INO80D: variants seen among roughly 807,000 people sequenced by gnomAD.
INO80D encodes the protein INO80 complex subunit D.
In INO80D, 21 loss-of-function variants were observed where a neutral mutation model predicts 87.6. The observed-to-expected ratio is 0.24, with a 90% CI of 0.17 to 0.35. The LOEUF is 0.35. Among genes scored for constraint, INO80D ranks in the 10% least tolerant of loss-of-function variants. The pLI, the probability that INO80D is intolerant of heterozygous loss-of-function variation, is 1.00. For missense variants in INO80D, 982 were observed against 1,280.7 expected, an observed-to-expected ratio of 0.77 and a Z score of 3.56; for synonymous variants, 440 against 491.0, an observed-to-expected ratio of 0.90 and a Z score of 1.37.
chr2:206,072,123 G>A (rs917814040), intron 1 of INO80D, among the ~76,000 whole-genome samples: 2 of 152,022 alleles, frequency 1.3e-5, no homozygotes, highest in Non-Finnish European at 2.9e-5. Flanking sequence ...TTTTGTCCTC[G>A]GGGTGTGTCA....
At position 206,085,058 on chromosome 2, in the gene INO80D, G is replaced by A. The variant is rs1666076814; in HGVS notation, c.-124+843C>T. Among the ~76,000 whole-genome samples, 1 of 152,064 alleles carries A rather than the reference G, an allele frequency of 6.6e-6. No individual in the cohort carries two copies. The highest frequency in any genetic ancestry group is 1.5e-5 in the Non-Finnish European group (1 of 67,998). ...CAGGGGCGGAGTACCTTCTTCAATG[G>A]ACAGGAACTGGCAAAGAGTTTCAAA... On this transcript the variant is annotated intron_variant, in intron 1 of 10. Transcript: ENST00000403263. This position sits in a 1 kb window ranked among gnomAD's most constrained non-coding sequence, Gnocchi z 4.5.
intron 8 of INO80D, among the ~76,000 whole-genome samples, chr2:206,010,083 A>ACACACACACACGCACG (rs142314785): frequency 3.3e-5 from 5 of 151,280 alleles, no homozygotes; most frequent in South Asian, 4.2e-4. Flanking sequence ...ACACACACAC[A>ACACACACACACGCACG]CACGCACACA....
intron 4 of INO80D, among the ~76,000 whole-genome samples, chr2:206,047,687 G>A (rs1027759421): frequency 6.6e-6 from 1 of 151,570 alleles, no homozygotes; most frequent in Non-Finnish European, 1.5e-5. Flanking sequence ...AAAAAGTGCA[G>A]ATAGAGTCAC....
intron 1 of INO80D, among the ~76,000 whole-genome samples, chr2:206,084,273 A>ACCCCC (rs35924014): frequency 1.4e-5 from 2 of 144,508 alleles, no homozygotes; most frequent in East Asian, 2.0e-4. Flanking sequence ...ACACACACAC[A>ACCCCC]CCCCAAAACC....
chr2:206,017,584 G>T (rs1482908307), intron 8 of INO80D, 96 bp downstream of exon 8: 27 of 997,592 alleles, frequency 2.7e-5, no homozygotes, highest in Non-Finnish European at 3.8e-5. Flanking sequence ...ACTTGTTTCA[G>T]TGATTTATAT....
At chr2:206,016,168 A>G (rs796715728) in intron 8 of INO80D, among the ~76,000 whole-genome samples, 3 of 152,258 alleles carry the variant, frequency 2.0e-5, no homozygotes, top group African/African-American at 7.2e-5. Context: ...GAGAGGGGCT[A>G]TACCCTGCAA....
In INO80D at chr2:206,052,154, T is replaced by C. The variant is rs114463440; in HGVS notation, c.964+4044A>G. Among the ~76,000 whole-genome samples the C allele has an allele frequency of 4.2e-3, 635 of 152,324 alleles. 1 individual carries two copies. The highest frequency in any genetic ancestry group is 7.2e-3 in the Non-Finnish European group (491 of 68,022). The stretch of plus-strand genomic sequence containing the variant: ...AAGAGGACTTACACAACTGTTTTTA[T>C]TGCAACCTGACCAAACTGCTTTTTC... On this transcript the variant is annotated intron_variant, in intron 4 of 10. Transcript: ENST00000403263.
Position 205,997,595 on chromosome 2 carries a change from C to T in INO80D, c.*6773G>A, listed in dbSNP as rs540430106. On this transcript the variant is annotated 3_prime_UTR_variant, in exon 11 of 11. Transcript: ENST00000403263. ...TGGTCCCATCACCACAATAGATAAACACAGCTCATGTCTGGGGCTGTCTGT... is the reference window on the plus strand; with the variant it reads ...TGGTCCCATCACCACAATAGATAAATACAGCTCATGTCTGGGGCTGTCTGT... The T allele has an allele frequency of 1.3e-5, 2 of 152,164 alleles. No individual in the cohort carries two copies. The highest frequency in any genetic ancestry group is 6.5e-5 in the Admixed American group (1 of 15,290). 9.4% of individuals were successfully genotyped at this position (152,164 alleles called of 1,614,324 possible).
chr2:206,043,968 G>T (rs896745536), intron 5 of INO80D, among the ~76,000 whole-genome samples: 4 of 152,168 alleles, frequency 2.6e-5, no homozygotes, highest in Admixed American at 2.6e-4. Flanking sequence ...AAGGCAGGAA[G>T]ATCCCTTCAG....
intron 1 of INO80D, among the ~76,000 whole-genome samples, chr2:206,080,643 C>T (rs1331811914): frequency 6.6e-6 from 1 of 152,054 alleles, no homozygotes; most frequent in African/African-American, 2.4e-5. Context: ...CGCGGTGGCT[C>T]ACGCCTGTTA....
intron 1 of INO80D, among the ~76,000 whole-genome samples, chr2:206,080,126 G>A (rs935292993): frequency 6.6e-6 from 1 of 152,168 alleles, no homozygotes; most frequent in Non-Finnish European, 1.5e-5. Context: ...AACTCCTCAA[G>A]GGCAGAGAAC....
At chr2:206,070,889 A>ATTTTTTT (rs71863031) in intron 1 of INO80D, among the ~76,000 whole-genome samples, 1 of 129,026 alleles carries the variant, frequency 7.8e-6, no homozygotes, top group Non-Finnish European at 1.6e-5. Flanking sequence ...AGGGGACTTG[A>ATTTTTTT]TTTTTTTTTT....
intron 4 of INO80D, among the ~76,000 whole-genome samples, chr2:206,053,940 A>G (rs1689442084): frequency 6.6e-6 from 1 of 151,908 alleles, no homozygotes; most frequent in Non-Finnish European, 1.5e-5. Flanking sequence ...CCTGGGTTCA[A>G]GCAATTCTCC....
chr2:206,045,882 G>A (rs973985833), intron 5 of INO80D, among the ~76,000 whole-genome samples: 2 of 152,198 alleles, frequency 1.3e-5, no homozygotes, highest in African/African-American at 4.8e-5. Flanking sequence ...AAGGGACCAC[G>A]TGCAAGTTCC....
Position 206,006,316 on chromosome 2 carries a change from C to T in INO80D, c.1919-783G>A, listed in dbSNP as rs199947621. Reference sequence around the variant, plus strand: ...GGAATTGGCAGGATTAAGCAAACTTCGTTTTGGAAAAGTGCACTTCAGTTG... The same window carrying T: ...GGAATTGGCAGGATTAAGCAAACTTTGTTTTGGAAAAGTGCACTTCAGTTG... On this transcript the variant is annotated intron_variant, in intron 10 of 10. Transcript: ENST00000403263. 2.9e-4 allele frequency among the ~76,000 whole-genome samples: 44 copies of T among 152,274 alleles called. No individual in the cohort carries two copies. In the East Asian group the frequency reaches 5.2e-3, roughly 18 times the overall value.
At chr2:206,057,832 AT>A (rs1225518602) in intron 3 of INO80D, among the ~76,000 whole-genome samples, 39 of 152,000 alleles carry the variant, frequency 2.6e-4, no homozygotes, top group Admixed American at 2.0e-3. Context: ...AAAACTAATA[AT>A]TTTAAAAATG....
rs1343970486 is a variant in INO80D, at chr2:206,002,689, T to G, written c.*1679A>C. ...AAGAAGGGACTGGTTAGAACTAGCATGGCATAAAGAGATTACATACAGGAA... is the reference window on the plus strand; with the variant it reads ...AAGAAGGGACTGGTTAGAACTAGCAGGGCATAAAGAGATTACATACAGGAA... On this transcript the variant is annotated 3_prime_UTR_variant, in exon 11 of 11. Transcript: ENST00000403263. 4 of 152,166 alleles carry G rather than the reference T, an allele frequency of 2.6e-5. No homozygotes were observed. Among genetic ancestry groups the G allele is most frequent in the African/African-American group, 9.7e-5 (4 of 41,444 alleles). 9.4% of individuals were successfully genotyped at this position (152,166 alleles called of 1,614,324 possible).
chr2:206,077,534 C>A (rs994222662), intron 1 of INO80D, among the ~76,000 whole-genome samples: 1 of 152,138 alleles, frequency 6.6e-6, no homozygotes, highest in African/African-American at 2.4e-5. Flanking sequence ...TACTAATGTT[C>A]TTGTGATGGA....
At chr2:206,075,286 T>C (rs755738011) in intron 1 of INO80D, among the ~76,000 whole-genome samples, 2 of 152,164 alleles carry the variant, frequency 1.3e-5, no homozygotes, top group Non-Finnish European at 2.9e-5. Context: ...CTTGATCACC[T>C]CCATGTGGAA....
Sources: allele counts gnomAD v4.1 joint callset (sites outside exome capture counted in the v4.1 genomes callset), GRCh38; gene constraint gnomAD v4.1.1; non-coding constraint Gnocchi (gnomAD v3.1); transcripts MANE v1.5; gene names NCBI Gene and HGNC (gene_info 2026-07-23, HGNC 2026-07-21).